The following CFDP1 variants were observed in gnomAD, a reference collection of about 807,000 sequenced individuals.
CFDP1 encodes chromatin remodeling protein CFDP1.
CFDP1 carries 31 observed loss-of-function variants against 40.1 expected under a neutral mutation model. The observed-to-expected ratio is 0.77, with a 90% CI of 0.58 to 1.04. The LOEUF (loss-of-function observed/expected upper bound fraction) is 1.04. Ranked by LOEUF, CFDP1 falls within the 50% of genes least tolerant of loss-of-function variation. CFDP1 has a pLI of 0.00. For missense variants in CFDP1, 423 were observed against 343.4 expected (o/e 1.23, Z -1.83); for synonymous variants, 167 against 120.0 (o/e 1.39, Z -2.56).
At chr16:75,422,231 G>A (rs904925180) in intron 1 of CFDP1, among the ~76,000 whole-genome samples, 1 of 151,320 alleles carries the variant, frequency 6.6e-6, no homozygotes, top group African/African-American at 2.4e-5. Context: ...CAAGTAGCTG[G>A]GATTACAGGC....
intron 1 of CFDP1, among the ~76,000 whole-genome samples, chr16:75,427,952 T>C (rs943841517): frequency 1.3e-5 from 2 of 152,212 alleles, no homozygotes; most frequent in Non-Finnish European, 2.9e-5. Context: ...GAATCTCAAA[T>C]GCATTATGCT....
chr16:75,321,620 C>A (rs372815465), intron 5 of CFDP1, among the ~76,000 whole-genome samples: 9 of 152,150 alleles, frequency 5.9e-5, no homozygotes, highest in Admixed American at 3.3e-4. Context: ...TAGTGATAAG[C>A]GGAAAAGAGG....
At chr16:75,403,200 C>A (rs540188007) in intron 4 of CFDP1, among the ~76,000 whole-genome samples, 1 of 152,202 alleles carries the variant, frequency 6.6e-6, no homozygotes, top group South Asian at 2.1e-4. Context: ...AACAAGTCCA[C>A]AACACTTAAT....
chr16:75,392,591 G>T (rs139111304), intron 5 of CFDP1, among the ~76,000 whole-genome samples: 1 of 152,198 alleles, frequency 6.6e-6, no homozygotes, highest in Non-Finnish European at 1.5e-5. Flanking sequence ...TCTGCCTCCT[G>T]GGTTCAAGCG....
intron 1 of CFDP1, among the ~76,000 whole-genome samples, chr16:75,415,268 G>C (rs1441369737): frequency 6.6e-6 from 1 of 152,278 alleles, no homozygotes; most frequent in East Asian, 1.9e-4. Context: ...AAAGAGTGTT[G>C]CTTGGATGTC....
chr16:75,383,253 T>A (rs2078866039), intron 5 of CFDP1, among the ~76,000 whole-genome samples: 1 of 152,146 alleles, frequency 6.6e-6, no homozygotes, highest in African/African-American at 2.4e-5. Flanking sequence ...ACCAAAATAA[T>A]TAGAAGACAG....
chr16:75,321,163 CTA>C (rs1478400022), intron 5 of CFDP1, among the ~76,000 whole-genome samples: 12 of 152,036 alleles, frequency 7.9e-5, no homozygotes, highest in African/African-American at 2.9e-4. Flanking sequence ...CAAGATCTCA[CTA>C]TGTTGTTCAG....
chr16:75,307,066 T>C (rs1179610997), intron 5 of CFDP1, among the ~76,000 whole-genome samples: 1 of 152,200 alleles, frequency 6.6e-6, no homozygotes, highest in East Asian at 1.9e-4. Context: ...GCCTCTTTAC[T>C]GGTCTCCCTG....
intron 5 of CFDP1, among the ~76,000 whole-genome samples, chr16:75,336,788 G>GT (rs1193751203): frequency 2.0e-5 from 3 of 152,192 alleles, no homozygotes; most frequent in Non-Finnish European, 2.9e-5. Context: ...TGTCAAAAGT[G>GT]TTATTTTAGG....
intron 1 of CFDP1, among the ~76,000 whole-genome samples, chr16:75,417,179 A>G (rs1022435482): frequency 1.3e-5 from 2 of 152,168 alleles, no homozygotes; most frequent in Admixed American, 6.6e-5. Context: ...AAAAACAAAA[A>G]CAAAAACAAA....
At chr16:75,348,171 G>A (rs1208255268) in intron 5 of CFDP1, among the ~76,000 whole-genome samples, 2 of 152,152 alleles carry the variant, frequency 1.3e-5, no homozygotes, top group Non-Finnish European at 1.5e-5. Context: ...CCAGGCTGGA[G>A]TACAGTGGTG....
At chr16:75,335,071 T>A (rs2078476862) in intron 5 of CFDP1, among the ~76,000 whole-genome samples, 1 of 152,230 alleles carries the variant, frequency 6.6e-6, no homozygotes, top group African/African-American at 2.4e-5. Flanking sequence ...ATGGCTCATG[T>A]ACCCCTAAAA....
At chr16:75,315,471 T>A (rs574259332) in intron 5 of CFDP1, among the ~76,000 whole-genome samples, 2 of 152,244 alleles carry the variant, frequency 1.3e-5, no homozygotes, top group East Asian at 3.9e-4. Flanking sequence ...TTCTTTGTTT[T>A]TGTAACCTTA....
chr16:75,402,873 T>C (rs2079067248), intron 4 of CFDP1, among the ~76,000 whole-genome samples: 1 of 152,124 alleles, frequency 6.6e-6, no homozygotes, highest in Non-Finnish European at 1.5e-5. Flanking sequence ...TTGTTTTCTT[T>C]AGGGGAAGGG....
chr16:75,322,079 C>T (rs7194129), intron 5 of CFDP1: 74,811 of 152,152 alleles, frequency 0.49, 20,280 homozygotes, highest in Admixed American at 0.66. Flanking sequence ...CCGCCTCGGC[C>T]TCCCAAAGTG....
At position 75,389,042 on chromosome 16, in the gene CFDP1, A is replaced by G. The variant is rs1012215083; in HGVS notation, c.650+6048T>C. On this transcript the variant is annotated intron_variant, in intron 5 of 6. Transcript: ENST00000283882. ...ATTCTCAATCTATAAAGAGGCAGCT[A>G]AACAGTAGGCCCTTAATTAAACAAG... Among the ~76,000 whole-genome samples the G allele has an allele frequency of 3.9e-5, 6 of 152,174 alleles. 1 individual carries two copies. Among genetic ancestry groups the G allele is most frequent in the Admixed American group, 2.6e-4 (4 of 15,280 alleles).
At chr16:75,432,619 CTGTT>C (rs200672943) in intron 1 of CFDP1, among the ~76,000 whole-genome samples, 3 of 152,080 alleles carry the variant, frequency 2.0e-5, no homozygotes, top group East Asian at 1.9e-4. Context: ...TTTTGTTAGT[CTGTT>C]TGTTTCTTGT....
chr16:75,396,588 T>C (rs1373458665), intron 4 of CFDP1, among the ~76,000 whole-genome samples: 1 of 103,696 alleles, frequency 9.6e-6, no homozygotes, highest in African/African-American at 2.9e-5. Context: ...TCCTGTTTTA[T>C]ATCCAAAACA....
At chr16:75,307,699 C>T (rs565943070) in intron 5 of CFDP1, among the ~76,000 whole-genome samples, 1 of 152,270 alleles carries the variant, frequency 6.6e-6, no homozygotes, top group East Asian at 1.9e-4. Flanking sequence ...GCAGAGACTA[C>T]AGGTGTGTGC....
Sources: allele counts gnomAD v4.1 joint callset (sites outside exome capture counted in the v4.1 genomes callset), GRCh38; gene constraint gnomAD v4.1.1; transcripts MANE v1.5; gene names NCBI Gene and HGNC (gene_info 2026-07-23, HGNC 2026-07-21).